Variants in C9orf153 observed in about 807,000 individuals in gnomAD.
The protein encoded by C9orf153 is uncharacterized protein C9orf153.
In C9orf153, 10 loss-of-function variants were observed where a neutral mutation model predicts 9.0. That is an observed-to-expected ratio of 1.11 (90% CI 0.69 to 1.89). The LOEUF (loss-of-function observed/expected upper bound fraction) is 1.89, where lower values mean the gene tolerates loss of function less well. Among genes scored for constraint, C9orf153 ranks in the 40% most tolerant of loss-of-function variants. The pLI is 0.00. For missense variants in C9orf153, 108 were observed against 111.0 expected (o/e 0.97, Z 0.12); for synonymous variants, 35 against 37.3 (o/e 0.94, Z 0.23).
At chr9:86,231,361 T>C (rs1250977874) in intron 1 of C9orf153, among the ~76,000 whole-genome samples, 1 of 152,138 alleles carries the variant, frequency 6.6e-6, no homozygotes, top group Non-Finnish European at 1.5e-5. Flanking sequence ...GAAACCCTTA[T>C]TGGTAGGTAA....
intron 1 of C9orf153, among the ~76,000 whole-genome samples, 194 bp downstream of exon 1, chr9:86,259,356 A>G (rs2131214875): frequency 6.6e-6 from 1 of 152,210 alleles, no homozygotes; most frequent in African/African-American, 2.4e-5. Flanking sequence ...ACCTGCCTGG[A>G]GGAAGATGAA....
In C9orf153 at chr9:86,221,679, G is replaced by T. The variant is rs755182450; in HGVS notation, c.*9C>A. ...AATTGCAGTAGTGCGCCTCCACTTC[G>T]CAAGCCCCTTAAAATATCTCCATTC... On this transcript the variant is annotated 3_prime_UTR_variant, in exon 4 of 4. Coordinates refer to ENST00000339137, the MANE Select transcript of C9orf153 (RefSeq NM_001276366.4). The T allele has an allele frequency of 1.5e-5, 24 of 1,548,706 alleles. 1 individual carries two copies. In the South Asian group the frequency reaches 2.6e-4, roughly 17 times the overall value.
chr9:86,247,733 C>T (rs925633678), intron 1 of C9orf153, among the ~76,000 whole-genome samples: 6 of 152,152 alleles, frequency 3.9e-5, no homozygotes, highest in African/African-American at 1.4e-4. Flanking sequence ...CCAAATGTTC[C>T]TTTTCATGTG....
intron 3 of C9orf153, among the ~76,000 whole-genome samples, chr9:86,226,259 A>G (rs1023799070): frequency 6.6e-6 from 1 of 152,124 alleles, no homozygotes; most frequent in African/African-American, 2.4e-5. Context: ...AACTCTTTGG[A>G]CCAAATATAC....
At position 86,227,905 on chromosome 9, in the gene C9orf153, C is replaced by T. The variant is rs2131176154; in HGVS notation, c.192G>A (p.Met64Ile). ...TCACATCAGCGCCCCTGGTGAATGACATGACATTCAGGTTTCTAGCAAGTA... is the reference window on the plus strand; with the variant it reads ...TCACATCAGCGCCCCTGGTGAATGATATGACATTCAGGTTTCTAGCAAGTA... ...QEVLARNLNV[M>I]SFTRGADVRG... Residue 64 changes from methionine to isoleucine, a missense_variant, in exon 3 of 4, where the codon ATG (methionine) becomes ATA (isoleucine). By Grantham distance (10) the Met-to-Ile change is conservative (BLOSUM62 1). Coordinates refer to ENST00000339137, the MANE Select transcript of C9orf153 (RefSeq NM_001276366.4). The T allele has an allele frequency of 1.2e-6, 2 of 1,613,804 alleles. No homozygotes were observed. Among genetic ancestry groups the T allele is most frequent in the South Asian group, 1.1e-5 (1 of 91,036 alleles).
intron 3 of C9orf153, among the ~76,000 whole-genome samples, chr9:86,226,188 C>T (rs982225426): frequency 4.6e-5 from 7 of 152,110 alleles, no homozygotes; most frequent in African/African-American, 1.4e-4. Context: ...GAAAGGATTT[C>T]GAAGCCTGCA....
intron 3 of C9orf153, chr9:86,227,308 A>G (rs987380335): frequency 7.0e-7 from 1 of 1,430,478 alleles, no homozygotes; most frequent in African/African-American, 1.5e-5. Context: ...CACCAAGCTC[A>G]GCTAATTTTT....
At chr9:86,232,365 C>T (rs1035489237) in intron 1 of C9orf153, among the ~76,000 whole-genome samples, 13 of 152,172 alleles carry the variant, frequency 8.5e-5, no homozygotes, top group African/African-American at 3.1e-4. Context: ...CAAGTCAATG[C>T]CTAAATCTAG....
intron 1 of C9orf153, among the ~76,000 whole-genome samples, chr9:86,253,343 C>A (rs1453972551): frequency 6.6e-6 from 1 of 152,106 alleles, no homozygotes; most frequent in African/African-American, 2.4e-5. Flanking sequence ...CCTGAACTTG[C>A]AATAAGTAAA....
rs753550387 is a variant in C9orf153 at position 86,228,076 on chromosome 9, G to A, written c.67-46C>T. 5 of 1,408,070 alleles carry A rather than the reference G, an allele frequency of 3.6e-6. No individual in the cohort carries two copies. In the Admixed American group the frequency reaches 6.8e-5, roughly 19 times the overall value. The allele number at this position is 1,408,070 out of a possible 1,614,324, so 87.2% of individuals were successfully genotyped here. On this transcript the variant is annotated intron_variant, in intron 2 of 3. Coordinates refer to ENST00000339137, the MANE Select transcript of C9orf153 (RefSeq NM_001276366.4). ...GGTAAGTCACGAGACTGACAAAAAT[G>A]TAATATTCTGGCAGACCTACAAACC...
chr9:86,228,695 C>T (rs1211242182), intron 2 of C9orf153: 2 of 152,734 alleles, frequency 1.3e-5, no homozygotes, highest in African/African-American at 4.8e-5. Flanking sequence ...TAGGCCATTA[C>T]ACTGGAAGGC....
intron 1 of C9orf153, among the ~76,000 whole-genome samples, chr9:86,234,077 G>A (rs564597356): frequency 6.6e-6 from 1 of 151,930 alleles, no homozygotes; most frequent in African/African-American, 2.4e-5. Context: ...GTGAGACTCT[G>A]TCTCAAAAAA....
In C9orf153 at chr9:86,243,529, G is replaced by A. The variant is rs568886258; in HGVS notation, c.-26-13900C>T. 4.0e-4 allele frequency among the ~76,000 whole-genome samples: 60 copies of A among 148,420 alleles called. No homozygotes were observed. In the South Asian group the frequency reaches 0.011, roughly 27 times the overall value. On this transcript the variant is annotated intron_variant, in intron 1 of 3. Transcript: ENST00000339137. ...TGCTCAGGCTGGAGTGCAATGGCGC[G>A]ATCTCGGCTCACCGCAACCTCTGCC...
At chr9:86,231,670 T>A (rs1215520098) in intron 1 of C9orf153, among the ~76,000 whole-genome samples, 1 of 151,940 alleles carries the variant, frequency 6.6e-6, no homozygotes, top group Non-Finnish European at 1.5e-5. Flanking sequence ...TACATTTTTG[T>A]CACTATTTGT....
intron 1 of C9orf153, among the ~76,000 whole-genome samples, chr9:86,238,715 G>C (rs1310779547): frequency 1.3e-5 from 2 of 152,092 alleles, no homozygotes; most frequent in African/African-American, 4.8e-5. Context: ...AGTTGAATGA[G>C]AGAAGTTAGT....
At chr9:86,231,519 T>C (rs1824468491) in intron 1 of C9orf153, among the ~76,000 whole-genome samples, 1 of 149,776 alleles carries the variant, frequency 6.7e-6, no homozygotes, top group Admixed American at 6.6e-5. Context: ...ATGTTTCTCT[T>C]CCTTCCTGAG....
chr9:86,239,835 C>A (rs920646712), intron 1 of C9orf153, among the ~76,000 whole-genome samples: 1 of 152,130 alleles, frequency 6.6e-6, no homozygotes, highest in African/African-American at 2.4e-5. Flanking sequence ...ACATTGTGAT[C>A]TGCTTGAAGG....
intron 1 of C9orf153, among the ~76,000 whole-genome samples, chr9:86,245,939 C>T (rs1824855978): frequency 6.6e-6 from 1 of 152,214 alleles, no homozygotes; most frequent in Non-Finnish European, 1.5e-5. Flanking sequence ...TACTTGGGCA[C>T]TGGGTCAGTT....
Position 86,227,835 on chromosome 9 carries a change from CT to C in C9orf153, c.242+19del. On this transcript the variant is annotated intron_variant, in intron 3 of 3. Transcript: ENST00000339137. The stretch of plus-strand genomic sequence containing the variant: ...AGCTCAATCATGGATGCTTGCTTCT[CT>C]TTTTTAACCACTGTGCACCTGATAA... The C allele has an allele frequency of 6.3e-7, 1 of 1,590,500 alleles. No individual in the cohort carries two copies. Among genetic ancestry groups the C allele is most frequent in the Non-Finnish European group, 8.5e-7 (1 of 1,170,148 alleles).
Sources: gnomAD v4.1 joint callset for allele counts (sites outside exome capture counted in the v4.1 genomes callset) on GRCh38, gnomAD v4.1.1 for gene constraint, MANE v1.5 for transcripts, NCBI Gene and HGNC (gene_info 2026-07-23, HGNC 2026-07-21) for gene names.